OSTN: variants seen among roughly 807,000 people sequenced by gnomAD.
OSTN encodes the protein osteocrin.
Under a neutral mutation model 12.0 loss-of-function variants are expected in OSTN, and 9 were observed. The ratio of observed to expected loss-of-function variants is 0.75; its 90% CI spans 0.45 to 1.30. OSTN has a LOEUF of 1.30. OSTN is among the 50% of genes most tolerant of loss of function. The pLI, the probability that OSTN is intolerant of heterozygous loss-of-function variation, is 0.00. For synonymous variants in OSTN, 59 were observed against 56.9 expected (o/e 1.04, Z -0.16); for missense variants, 148 against 152.3 (o/e 0.97, Z 0.15).
At chr3:191,230,381 T>C (rs1208495715) in intron 3 of OSTN, among the ~76,000 whole-genome samples, 2 of 148,062 alleles carry the variant, frequency 1.4e-5, no homozygotes, top group Non-Finnish European at 3.0e-5. Flanking sequence ...CTGGTCAACA[T>C]GATGCAACCC....
rs1714755273 is a variant in OSTN, at chr3:191,221,235, A to G, written c.317+2274A>G. 2.0e-5 allele frequency among the ~76,000 whole-genome samples: 3 copies of G among 152,316 alleles called. No individual in the cohort carries two copies. In the South Asian group the frequency reaches 6.2e-4, roughly 32 times the overall value. On this transcript the variant is annotated intron_variant, in intron 3 of 4. Coordinates refer to ENST00000682035, the MANE Select transcript of OSTN (RefSeq NM_198184.2). ...TGAGTCAATTAAACCGCTTTCCTTTATAAATTTCCCAGTCTCAGGTATGTC... is the reference window on the plus strand; with the variant it reads ...TGAGTCAATTAAACCGCTTTCCTTTGTAAATTTCCCAGTCTCAGGTATGTC...
intron 4 of OSTN, 125 bp downstream of exon 4, chr3:191,250,258 T>C (rs1451090760): frequency 1.4e-6 from 1 of 710,300 alleles, no homozygotes; most frequent in African/African-American, 1.8e-5. Flanking sequence ...GTTCACTTTT[T>C]CAATCATTTA....
intron 4 of OSTN, among the ~76,000 whole-genome samples, chr3:191,252,259 G>T (rs1300974625): frequency 6.6e-6 from 1 of 152,150 alleles, no homozygotes; most frequent in South Asian, 2.1e-4. Flanking sequence ...TAGATATGGG[G>T]TTTCACCATG....
intron 3 of OSTN, among the ~76,000 whole-genome samples, chr3:191,229,357 T>C (rs923247678): frequency 2.6e-5 from 4 of 152,198 alleles, no homozygotes; most frequent in African/African-American, 9.6e-5. Flanking sequence ...TAAGTAACTA[T>C]TATTTACTTT....
Position 191,218,823 on chromosome 3 carries a change from C to A in OSTN, c.179C>A (p.Ala60Glu), listed in dbSNP as rs1270757921. 2.5e-6 allele frequency: 4 copies of A among 1,613,890 alleles called. No individual in the cohort carries two copies. The African/African-American group carries it at 5.3e-5, about 22-fold the overall frequency. Residue 60 changes from alanine to glutamate, a missense_variant, in exon 3 of 5, where the codon GCA becomes GAA. Coordinates refer to ENST00000682035, the MANE Select transcript of OSTN (RefSeq NM_198184.2). Reference sequence around the variant, plus strand: ...GAGAAATCAGCCACTGACCTGACAGCAAAACTCTTGCTTCTTGATGAATTG... The same window carrying A: ...GAGAAATCAGCCACTGACCTGACAGAAAAACTCTTGCTTCTTGATGAATTG... ...REEKSATDLT[A>E]KLLLLDELVS...
intron 4 of OSTN, among the ~76,000 whole-genome samples, chr3:191,253,826 A>G (rs752069271): frequency 6.6e-6 from 1 of 152,200 alleles, no homozygotes; most frequent in Non-Finnish European, 1.5e-5. Flanking sequence ...CAGAAGACAC[A>G]TTTTCAGGAT....
chr3:191,230,559 T>C (rs1308279494), intron 3 of OSTN, among the ~76,000 whole-genome samples: 2 of 97,714 alleles, frequency 2.0e-5, no homozygotes, highest in African/African-American at 4.7e-5. Context: ...CAAGACTCCG[T>C]CTCAAAAAAA....
chr3:191,205,443 A>T (rs560528225), intron 1 of OSTN, among the ~76,000 whole-genome samples: 255 of 149,090 alleles, frequency 1.7e-3, no homozygotes, highest in South Asian at 3.6e-3. Context: ...AGTAAAAAAA[A>T]ATATATATAT....
intron 3 of OSTN, among the ~76,000 whole-genome samples, chr3:191,249,621 A>G (rs1715512671): frequency 6.6e-6 from 1 of 152,202 alleles, no homozygotes. Context: ...ATCCTTCTTT[A>G]GATGAGCCAT....
At chr3:191,205,287 GC>G (rs1339132798) in intron 1 of OSTN, among the ~76,000 whole-genome samples, 1 of 152,072 alleles carries the variant, frequency 6.6e-6, no homozygotes, top group Non-Finnish European at 1.5e-5. Context: ...AAGGAGCACA[GC>G]TAAACCTCTT....
chr3:191,252,995 A>C (rs1715594057), intron 4 of OSTN, among the ~76,000 whole-genome samples: 1 of 152,140 alleles, frequency 6.6e-6, no homozygotes. Context: ...CTGCAAGAGG[A>C]AATTGTCCCA....
chr3:191,206,028 T>C (rs1255503728), intron 1 of OSTN, among the ~76,000 whole-genome samples: 1 of 151,818 alleles, frequency 6.6e-6, no homozygotes, highest in Non-Finnish European at 1.5e-5. Flanking sequence ...CTAGTAAAAA[T>C]ACAAAACTTA....
chr3:191,259,280 C>T (rs929239625), intron 4 of OSTN, among the ~76,000 whole-genome samples: 10 of 151,932 alleles, frequency 6.6e-5, no homozygotes, highest in Non-Finnish European at 1.5e-4. Flanking sequence ...CTGCAACCTC[C>T]GCCTCCCAGA....
rs71312405 is a variant in OSTN at position 191,241,035 on chromosome 3, T to C, written c.318-9002T>C. 8.4e-3 allele frequency among the ~76,000 whole-genome samples: 1,277 copies of C among 152,314 alleles called. 5 individuals carry two copies. Among genetic ancestry groups the C allele is most frequent in the Non-Finnish European group, 0.013 (857 of 68,008 alleles). ...GGCTAGTACACTCATGTAAGGTTTA[T>C]ACTATAATAATTAACTTCCCTGTTT... is the stretch of plus-strand genomic sequence containing the variant. On this transcript the variant is annotated intron_variant, in intron 3 of 4. Transcript: ENST00000682035.
chr3:191,203,913 G>A (rs1392512604), intron 1 of OSTN, among the ~76,000 whole-genome samples: 2 of 152,120 alleles, frequency 1.3e-5, no homozygotes, highest in Non-Finnish European at 2.9e-5. Context: ...TTGAGATGGA[G>A]TTTCGCTCTT....
At chr3:191,230,066 CAA>C (rs949232861) in intron 3 of OSTN, among the ~76,000 whole-genome samples, 3 of 146,058 alleles carry the variant, frequency 2.1e-5, no homozygotes, top group African/African-American at 7.8e-5. Context: ...GACTCAGTCT[CAA>C]TAAATAAATA....
At chr3:191,246,503 G>A (rs1486347957) in intron 3 of OSTN, among the ~76,000 whole-genome samples, 1 of 151,862 alleles carries the variant, frequency 6.6e-6, no homozygotes, top group Non-Finnish European at 1.5e-5. Context: ...CTACTCAAGA[G>A]GCTGAGGCAG....
chr3:191,213,291 T>C (rs1342024708), intron 2 of OSTN: 1 of 152,124 alleles, frequency 6.6e-6, no homozygotes, highest in African/African-American at 2.4e-5. Flanking sequence ...AAATCGGTAG[T>C]TTTTTATTGT....
rs565677124 is a variant in OSTN, at chr3:191,259,458, C to T, written c.*13-3408C>T. Among the ~76,000 whole-genome samples the T allele has an allele frequency of 4.0e-5, 6 of 151,782 alleles. No homozygotes were observed. The South Asian group carries it at 1.0e-3, about 26-fold the overall frequency. On this transcript the variant is annotated intron_variant, in intron 4 of 4. Coordinates refer to ENST00000682035, the MANE Select transcript of OSTN (RefSeq NM_198184.2). ...CATCATGATCCACCCGCCTTGGCCTCCCGAAGTGCTGGGATTACAGGCGTG... is the reference window on the plus strand; with the variant it reads ...CATCATGATCCACCCGCCTTGGCCTTCCGAAGTGCTGGGATTACAGGCGTG...
Sources: gnomAD v4.1 joint callset for allele counts (sites outside exome capture counted in the v4.1 genomes callset) on GRCh38, gnomAD v4.1.1 for gene constraint, MANE v1.5 for transcripts, NCBI Gene and HGNC (gene_info 2026-07-23, HGNC 2026-07-21) for gene names.